The following PNN variants were observed in gnomAD, a reference collection of about 807,000 sequenced individuals.
PNN encodes pinin.
In PNN, 38 loss-of-function variants were observed where a neutral mutation model predicts 76.6. The observed-to-expected ratio is 0.50, with a 90% CI of 0.38 to 0.65. PNN has a LOEUF of 0.65. PNN is among the 30% of genes least tolerant of loss of function. The probability of loss-of-function intolerance (pLI) is 0.00; values close to 1 mark genes in which losing one functional copy is unlikely to be tolerated. For missense variants in PNN, 873 were observed against 874.1 expected, an observed-to-expected ratio of 1.00 and a Z score of 0.02; for synonymous variants, 366 against 283.7, an observed-to-expected ratio of 1.29 and a Z score of -2.91.
Position 39,177,835 on chromosome 14 carries a change from C to T in PNN, c.423-6C>T, listed in dbSNP as rs1390462877. 3.1e-6 allele frequency: 5 copies of T among 1,605,856 alleles called. No homozygotes were observed. Among genetic ancestry groups the T allele is most frequent in the East Asian group, 4.5e-5 (2 of 44,824 alleles). The stretch of plus-strand genomic sequence containing the variant: ...TGACAGTAAATTTTCTTATTCTGTT[C>T]TTTAGGAACCGGCGAATATTTGGCT... On this transcript the variant is annotated splice_polypyrimidine_tract_variant and splice_region_variant and intron_variant, in intron 5 of 8. Coordinates refer to ENST00000216832, the MANE Select transcript of PNN (RefSeq NM_002687.4).
At chr14:39,179,058 C>T (rs746240224) in intron 6 of PNN, 33 bp from the exon 7 acceptor site, 24 of 1,586,830 alleles carry the variant, frequency 1.5e-5, no homozygotes, top group South Asian at 5.7e-5. Flanking sequence ...TATTTCAACA[C>T]GTAAGTATTA....
In PNN at chr14:39,181,136, C is replaced by G. The variant is rs764879974; in HGVS notation, c.1427C>G (p.Pro476Arg). 38 of 1,604,406 alleles carry G rather than the reference C, an allele frequency of 2.4e-5. No homozygotes were observed. The highest frequency in any genetic ancestry group is 5.4e-5 in the African/African-American group (4 of 74,722). Residue 476 changes from proline to arginine, a missense_variant, in exon 9 of 9, where the codon CCT (proline) becomes CGT (arginine). This residue lies in a region of PNN where 712 missense variants were observed against 693.1 expected (regional missense o/e 1.03). Coordinates refer to ENST00000216832, the MANE Select transcript of PNN (RefSeq NM_002687.4). ...CCCCAACCTGAGCCTGTGGCTCAAC[C>G]TCAGCCTCAGTCTCAGCCCCAGCTT... ...SEPQPEPVAQ[P>R]QPQSQPQLQL...
chr14:39,179,616 G>A (rs562756630), intron 8 of PNN, among the ~76,000 whole-genome samples, 154 bp downstream of exon 8: 26 of 151,836 alleles, frequency 1.7e-4, no homozygotes, highest in Non-Finnish European at 3.2e-4. Context: ...ATTCTAGGCC[G>A]GGCGTGGTGG....
Position 39,176,603 on chromosome 14 carries a change from T to TA in PNN, c.254+15dup. ...TGAAGGGGCAGTCAGTAGGTAGGTT[T>TA]AAAAAAAGATTCCTGAAGGCTTCTT... On this transcript the variant is annotated intron_variant, in intron 3 of 8. Transcript: ENST00000216832. 7 of 1,558,604 alleles carry TA rather than the reference T, an allele frequency of 4.5e-6. No homozygotes were observed. Among genetic ancestry groups the TA allele is most frequent in the Non-Finnish European group, 5.3e-6 (6 of 1,140,076 alleles).
At chr14:39,178,252 GGT>G (rs2053243932) in intron 6 of PNN, among the ~76,000 whole-genome samples, 1 of 152,226 alleles carries the variant, frequency 6.6e-6, no homozygotes, top group Non-Finnish European at 1.5e-5. Context: ...GAAGCGGCCA[GGT>G]GCAGTGGCTC....
rs200352498 is a variant in PNN at position 39,181,655 on chromosome 14, G to A, written c.1946G>A (p.Ser649Asn). 1.9e-6 allele frequency: 3 copies of A among 1,614,066 alleles called. No homozygotes were observed. The highest frequency in any genetic ancestry group is 2.5e-6 in the Non-Finnish European group (3 of 1,179,952). Residue 649 changes from serine to asparagine, a missense_variant, in exon 9 of 9, where the codon AGC becomes AAC. This residue lies in a region of PNN where 712 missense variants were observed against 693.1 expected (regional missense o/e 1.03). Coordinates refer to ENST00000216832, the MANE Select transcript of PNN (RefSeq NM_002687.4). ...GHNRDRKHRR[S>N]VDRKRRDTSG... ...AATAGAGATAGAAAGCACAGAAGGAGCGTGGATCGGAAGAGAAGGGATACT... is the reference window on the plus strand; with the variant it reads ...AATAGAGATAGAAAGCACAGAAGGAACGTGGATCGGAAGAGAAGGGATACT...
rs1411530670 is a variant in PNN, at chr14:39,181,697, G to A, written c.1988G>A (p.Ser663Asn). ...KRRDTSGLER[S>N]HKSSKGGSSR... is the part of the protein sequence containing the mutation. The stretch of plus-strand genomic sequence containing the variant: ...AGGGATACTTCAGGACTAGAAAGAA[G>A]TCACAAATCTTCAAAAGGTGGTAGT... The change falls in exon 9 of 9, where the codon AGT (serine) becomes AAT (asparagine). Residue 663 changes from serine (S) to asparagine (N), a missense_variant. Ser to Asn is a conservative substitution (Grantham distance 46, BLOSUM62 1). Coordinates refer to ENST00000216832, the MANE Select transcript of PNN (RefSeq NM_002687.4). The A allele has an allele frequency of 3.1e-6, 5 of 1,613,960 alleles. No individual in the cohort carries two copies. The highest frequency in any genetic ancestry group is 4.2e-6 in the Non-Finnish European group (5 of 1,179,974).
In PNN at chr14:39,182,495, T is replaced by G. The variant is rs1033286138; in HGVS notation, c.*632T>G. 6 of 152,690 alleles carry G rather than the reference T, an allele frequency of 3.9e-5. No homozygotes were observed. Among genetic ancestry groups the G allele is most frequent in the African/African-American group, 1.4e-4 (6 of 41,474 alleles). The allele number at this position is 152,690 out of a possible 1,614,324, so 9.5% of individuals were successfully genotyped here. On this transcript the variant is annotated 3_prime_UTR_variant, in exon 9 of 9. Coordinates refer to ENST00000216832, the MANE Select transcript of PNN (RefSeq NM_002687.4). ...TTTAATCTAAGCATTTTCCCCCGTTTCTCATATTTTAACCATATGTTCGGT... is the reference window on the plus strand; with the variant it reads ...TTTAATCTAAGCATTTTCCCCCGTTGCTCATATTTTAACCATATGTTCGGT...
chr14:39,177,983 T>TA (rs2053242153), intron 6 of PNN, 67 bp downstream of exon 6: 7 of 1,066,514 alleles, frequency 6.6e-6, no homozygotes, highest in Admixed American at 6.1e-5. Flanking sequence ...AATGTTTTTT[T>TA]TAAAAAATCC....
At position 39,181,555 on chromosome 14, in the gene PNN, A is replaced by G. The variant is rs1265806811; in HGVS notation, c.1846A>G (p.Ser616Gly). Residue 616 changes from serine (S) to glycine (G), a missense_variant, in exon 9 of 9, where the codon AGC becomes GGC. Physicochemically the swap from Ser to Gly is moderately conservative, Grantham distance 56. This residue lies in a region of PNN where 712 missense variants were observed against 693.1 expected (regional missense o/e 1.03). Coordinates refer to ENST00000216832, the MANE Select transcript of PNN (RefSeq NM_002687.4). Reference protein sequence around the residue: ...SSSSSSSTSGSSSRDSSSSTS... With the variant: ...SSSSSSSTSGGSSRDSSSSTS... ...CAGTAGCAGCTCCAGTACAAGTGGC[A>G]GCAGCAGCAGAGATAGTAGCAGTAG... The G allele has an allele frequency of 5.0e-6, 8 of 1,608,314 alleles. No homozygotes were observed. The South Asian group carries it at 5.5e-5, about 11-fold the overall frequency.
chr14:39,175,922 ACTTCC>A, intron 1 of PNN, 151 bp from the exon 2 acceptor site: 1 of 596,576 alleles, frequency 1.7e-6, no homozygotes, highest in Non-Finnish European at 3.0e-6. Context: ...ATGAAATAGT[ACTTCC>A]TGTCCTGTTT....
In PNN at chr14:39,177,828, T is replaced by C. The variant is rs1173299484; in HGVS notation, c.423-13T>C. On this transcript the variant is annotated splice_polypyrimidine_tract_variant and intron_variant, in intron 5 of 8. Transcript: ENST00000216832. Reference sequence around the variant, plus strand: ...ATCCTGTTGACAGTAAATTTTCTTATTCTGTTCTTTAGGAACCGGCGAATA... The same window carrying C: ...ATCCTGTTGACAGTAAATTTTCTTACTCTGTTCTTTAGGAACCGGCGAATA... The C allele has an allele frequency of 6.2e-6, 10 of 1,600,566 alleles. No individual in the cohort carries two copies. The highest frequency in any genetic ancestry group is 4.0e-5 in the African/African-American group (3 of 74,684).
In PNN at chr14:39,179,466, A is replaced by G. The variant is rs751130216; in HGVS notation, c.793+4A>G. ...GAGTCACAGAGAAAAATGAACGGTA[A>G]GTATGCGAAGAGGTCCATTGAATTG... On this transcript the variant is annotated splice_donor_region_variant and intron_variant, in intron 8 of 8. Coordinates refer to ENST00000216832, the MANE Select transcript of PNN (RefSeq NM_002687.4). The G allele has an allele frequency of 5.6e-6, 9 of 1,609,914 alleles. No homozygotes were observed. The highest frequency in any genetic ancestry group is 7.6e-6 in the Non-Finnish European group (9 of 1,178,420).
Position 39,176,154 on chromosome 14 carries a change from G to A in PNN, c.185+5G>A. On this transcript the variant is annotated splice_donor_5th_base_variant and intron_variant, in intron 2 of 8. Coordinates refer to ENST00000216832, the MANE Select transcript of PNN (RefSeq NM_002687.4). ...ACGTGGTAGTTTATTACTGAGGTAAGATTTCCTTTGGACTTTACTCATGCT... is the reference window on the plus strand; with the variant it reads ...ACGTGGTAGTTTATTACTGAGGTAAAATTTCCTTTGGACTTTACTCATGCT... 2 of 1,548,404 alleles carry A rather than the reference G, an allele frequency of 1.3e-6. No individual in the cohort carries two copies. Among genetic ancestry groups the A allele is most frequent in the Non-Finnish European group, 1.8e-6 (2 of 1,120,290 alleles).
chr14:39,179,249 G>A lies in PNN; in HGVS notation c.654+3G>A, dbSNP rs1460294808. Reference sequence around the variant, plus strand: ...AGAAAGTTGAGCTTGCGCAGCTGGTGAGTGGTAATTTGGAATTCTAAGATT... The same window carrying A: ...AGAAAGTTGAGCTTGCGCAGCTGGTAAGTGGTAATTTGGAATTCTAAGATT... On this transcript the variant is annotated splice_donor_region_variant and intron_variant, in intron 7 of 8. Transcript: ENST00000216832. The A allele has an allele frequency of 6.2e-7, 1 of 1,611,208 alleles. No individual in the cohort carries two copies.
chr14:39,176,020 T>TG, intron 1 of PNN, 58 bp from the exon 2 acceptor site: 1 of 868,094 alleles, frequency 1.2e-6, no homozygotes, highest in Non-Finnish European at 1.9e-6. Flanking sequence ...TGAAAGTATT[T>TG]GGGTGCGACT....
At position 39,179,251 on chromosome 14, in the gene PNN, G is replaced by A; in HGVS notation, c.654+5G>A. On this transcript the variant is annotated splice_donor_5th_base_variant and intron_variant, in intron 7 of 8. Coordinates refer to ENST00000216832, the MANE Select transcript of PNN (RefSeq NM_002687.4). ...AAAGTTGAGCTTGCGCAGCTGGTGA[G>A]TGGTAATTTGGAATTCTAAGATTGG... 6.2e-7 allele frequency: 1 copy of A among 1,610,970 alleles called. No individual in the cohort carries two copies. The highest frequency in any genetic ancestry group is 8.5e-7 in the Non-Finnish European group (1 of 1,179,102).
In PNN at chr14:39,181,637, A is replaced by G. The variant is rs2053270958; in HGVS notation, c.1928A>G (p.Asp643Gly). The stretch of plus-strand genomic sequence containing the variant: ...AGTAGGGGCCGGGGACATAATAGAG[A>G]TAGAAAGCACAGAAGGAGCGTGGAT... ...SRSRGRGHNR[D>G]RKHRRSVDRK... is the part of the protein sequence containing the mutation. The change falls in exon 9 of 9, where the codon GAT becomes GGT. Residue 643 changes from aspartate to glycine, a missense_variant. By Grantham distance (94) the Asp-to-Gly change is moderately conservative. Transcript: ENST00000216832. 1.9e-6 allele frequency: 3 copies of G among 1,614,016 alleles called. No homozygotes were observed. Among genetic ancestry groups the G allele is most frequent in the African/African-American group, 2.7e-5 (2 of 74,900 alleles).
Position 39,181,143 on chromosome 14 carries a change from T to C in PNN, c.1434T>C (p.Pro478=), listed in dbSNP as rs762850483. 7 of 1,606,032 alleles carry C rather than the reference T, an allele frequency of 4.4e-6. No homozygotes were observed. Among genetic ancestry groups the C allele is most frequent in the Non-Finnish European group, 5.1e-6 (6 of 1,172,694 alleles). Residue 478 remains proline, a synonymous_variant, in exon 9 of 9, where the codon CCT becomes CCC. Transcript: ENST00000216832. ...PQPEPVAQPQ[P]QSQPQLQLQS... ...CTGAGCCTGTGGCTCAACCTCAGCC[T>C]CAGTCTCAGCCCCAGCTTCAGCTTC... is the stretch of plus-strand genomic sequence containing the variant.
Sources: gnomAD v4.1 joint callset for allele counts (sites outside exome capture counted in the v4.1 genomes callset) on GRCh38, gnomAD v4.1.1 for gene constraint, gnomAD v4.1.1 regional missense constraint, MANE v1.5 for transcripts, NCBI Gene and HGNC (gene_info 2026-07-23, HGNC 2026-07-21) for gene names.